The following SH3KBP1 variants were observed in gnomAD, a reference collection of about 807,000 sequenced individuals.
SH3KBP1 encodes SH3 domain-containing kinase-binding protein 1.
SH3KBP1 carries 8 observed loss-of-function variants against 50.1 expected under a neutral mutation model. That is an observed-to-expected ratio of 0.16 (90% CI 0.09 to 0.29). The LOEUF (loss-of-function observed/expected upper bound fraction) is 0.29. Ranked by LOEUF, SH3KBP1 falls within the 10% of genes least tolerant of loss-of-function variation. SH3KBP1 has a pLI of 1.00. For synonymous variants in SH3KBP1, 227 were observed against 218.6 expected (o/e 1.04, Z -0.34); for missense variants, 377 against 535.2 (o/e 0.70, Z 2.92).
chrX:19,641,969 G>A (rs1279329581), intron 7 of SH3KBP1, among the ~76,000 whole-genome samples: 3 of 110,943 alleles, frequency 2.7e-5, no homozygotes, highest in Non-Finnish European at 5.7e-5. Context: ...GCCTCCCAAG[G>A]AGCTGGGACC....
At chrX:19,566,631 C>T (rs1178954723) in intron 13 of SH3KBP1, among the ~76,000 whole-genome samples, 1 of 111,668 alleles carries the variant, frequency 9.0e-6, no homozygotes, top group East Asian at 2.8e-4. Context: ...TGACAATCCC[C>T]TTTCATTCAC....
intron 2 of SH3KBP1, among the ~76,000 whole-genome samples, chrX:19,785,183 A>G (rs1301973548): frequency 1.8e-5 from 2 of 110,148 alleles, no homozygotes; most frequent in East Asian, 2.8e-4. Context: ...AAGAGCTTTG[A>G]GAGAAAATGC....
At chrX:19,694,985 C>A in intron 5 of SH3KBP1, 1 of 1,191,109 alleles carries the variant, frequency 8.4e-7, no homozygotes, top group Admixed American at 2.3e-5. Flanking sequence ...CGAAGTTTCC[C>A]GGTCCTGACC....
intron 2 of SH3KBP1, among the ~76,000 whole-genome samples, chrX:19,770,410 T>C (rs970462537): frequency 8.9e-6 from 1 of 112,567 alleles, no homozygotes; most frequent in African/African-American, 3.2e-5. Flanking sequence ...CCATGGTGTA[T>C]ATATACCATA....
chrX:19,837,207 T>G (rs767547217), intron 1 of SH3KBP1, among the ~76,000 whole-genome samples: 1 of 111,977 alleles, frequency 8.9e-6, no homozygotes, highest in East Asian at 2.8e-4. Flanking sequence ...ACCGCCTACA[T>G]CAGAACCACA....
chrX:19,705,644 C>T (rs939423031), intron 4 of SH3KBP1, among the ~76,000 whole-genome samples: 6 of 111,567 alleles, frequency 5.4e-5, no homozygotes, highest in African/African-American at 2.0e-4. Flanking sequence ...CCATTAATTG[C>T]TTCTGGAGGG....
At chrX:19,634,184 G>C (rs574495595) in intron 7 of SH3KBP1, among the ~76,000 whole-genome samples, 3 of 107,995 alleles carry the variant, frequency 2.8e-5, no homozygotes, top group East Asian at 2.9e-4. Flanking sequence ...CAGAGAGAGA[G>C]AGACAGACAG....
intron 9 of SH3KBP1, among the ~76,000 whole-genome samples, chrX:19,596,694 G>A (rs1029930017): frequency 8.0e-5 from 9 of 112,061 alleles, no homozygotes; most frequent in Admixed American, 9.5e-5. Flanking sequence ...CTCTAAACCC[G>A]TTGTTGTCAT....
chrX:19,584,297 ATATT>A (rs1569310550), intron 12 of SH3KBP1, among the ~76,000 whole-genome samples: 28 of 96,265 alleles, frequency 2.9e-4, no homozygotes, highest in African/African-American at 1.0e-3. Flanking sequence ...ATTTATATTT[ATATT>A]TATAAATATG....
intron 2 of SH3KBP1, among the ~76,000 whole-genome samples, chrX:19,780,126 T>C (rs1168233441): frequency 2.8e-5 from 3 of 108,834 alleles, no homozygotes; most frequent in Non-Finnish European, 5.8e-5. Context: ...TTTTTAATGA[T>C]TGCCATTCTA....
At chrX:19,690,635 T>C (rs747008741) in intron 5 of SH3KBP1, among the ~76,000 whole-genome samples, 59 of 112,478 alleles carry the variant, frequency 5.2e-4, no homozygotes, top group African/African-American at 1.8e-3. Context: ...AAAAGACATA[T>C]TTATGTCTTA....
intron 2 of SH3KBP1, among the ~76,000 whole-genome samples, chrX:19,751,365 C>T (rs970203898): frequency 1.8e-5 from 2 of 111,257 alleles, no homozygotes; most frequent in South Asian, 3.8e-4. Flanking sequence ...CCATCAGGCC[C>T]GTGTTTTTTT....
At chrX:19,618,267 C>T (rs1365767948) in intron 8 of SH3KBP1, among the ~76,000 whole-genome samples, 1 of 108,573 alleles carries the variant, frequency 9.2e-6, no homozygotes, top group Non-Finnish European at 1.9e-5. Context: ...ACATGTAATC[C>T]CAGCTACTCA....
chrX:19,575,513 G>A (rs773909733), intron 12 of SH3KBP1, among the ~76,000 whole-genome samples: 4 of 111,502 alleles, frequency 3.6e-5, no homozygotes, highest in Admixed American at 9.6e-5. Context: ...TTGATAGGAA[G>A]GAGAGTGGGA....
intron 9 of SH3KBP1, among the ~76,000 whole-genome samples, chrX:19,599,330 GT>G (rs1012277024): frequency 8.9e-6 from 1 of 112,546 alleles, no homozygotes; most frequent in African/African-American, 3.2e-5. Flanking sequence ...CATTTAGCAT[GT>G]AGCAGACACA....
At chrX:19,722,184 C>T (rs1027270948) in intron 3 of SH3KBP1, among the ~76,000 whole-genome samples, 5 of 112,028 alleles carry the variant, frequency 4.5e-5, no homozygotes, top group South Asian at 3.7e-4. Flanking sequence ...CAAATGGCCA[C>T]GTGGCACGGT....
intron 2 of SH3KBP1, among the ~76,000 whole-genome samples, chrX:19,811,350 G>A (rs1603258364): frequency 8.9e-6 from 1 of 111,735 alleles, no homozygotes; most frequent in East Asian, 2.8e-4. Context: ...GAACTTGATA[G>A]CGTTTATGGT....
At chrX:19,828,955 C>A (rs765378791) in intron 2 of SH3KBP1, among the ~76,000 whole-genome samples, 2 of 110,853 alleles carry the variant, frequency 1.8e-5, no homozygotes, top group Non-Finnish European at 3.8e-5. Flanking sequence ...TAGTGTGGCG[C>A]AAATGAGGCT....
intron 1 of SH3KBP1, among the ~76,000 whole-genome samples, chrX:19,860,397 T>C (rs1235825565): frequency 9.1e-6 from 1 of 109,307 alleles, no homozygotes; most frequent in Non-Finnish European, 1.9e-5. Context: ...ATTCTACTTA[T>C]ATGAGGTACC....
Sources: allele counts gnomAD v4.1 joint callset (sites outside exome capture counted in the v4.1 genomes callset), GRCh38; gene constraint gnomAD v4.1.1; transcripts MANE v1.5; gene names NCBI Gene and HGNC (gene_info 2026-07-23, HGNC 2026-07-21).